PARD3B: variants seen among roughly 807,000 people sequenced by gnomAD.
PARD3B encodes par-3 family cell polarity regulator beta, also known as partitioning defective 3 homolog B.
Under a neutral mutation model 130.2 loss-of-function variants are expected in PARD3B, and 103 were observed. The observed-to-expected ratio is 0.79, with a 90% CI of 0.67 to 0.93. The LOEUF is 0.93. Among genes scored for constraint, PARD3B ranks in the 40% least tolerant of loss-of-function variants. The probability of loss-of-function intolerance (pLI) is 0.00; values close to 1 mark genes in which losing one functional copy is unlikely to be tolerated. For missense variants in PARD3B, 1,609 were observed against 1,499.2 expected (o/e 1.07, Z -1.21); for synonymous variants, 583 against 553.2 (o/e 1.05, Z -0.76).
At chr2:205,513,111 A>T (rs1307753794) in intron 21 of PARD3B, among the ~76,000 whole-genome samples, 12 of 151,674 alleles carry the variant, frequency 7.9e-5, no homozygotes, top group African/African-American at 2.9e-4. Context: ...GTATGTGGTT[A>T]TAAGGGAATC....
intron 1 of PARD3B, among the ~76,000 whole-genome samples, chr2:204,562,831 A>T (rs893736457): frequency 7.9e-4 from 117 of 148,640 alleles, no homozygotes; most frequent in South Asian, 1.3e-3. Context: ...AATAAAAAAA[A>T]TTTTTTTTTT....
chr2:204,547,835 A>G (rs1490101820), intron 1 of PARD3B, among the ~76,000 whole-genome samples: 1 of 152,156 alleles, frequency 6.6e-6, no homozygotes, highest in Admixed American at 6.5e-5. Context: ...AATTCACTAT[A>G]ATTTGATCTT....
At chr2:205,531,804 A>ATGCATATGGATGATCTTTT (rs1178294565) in intron 21 of PARD3B, among the ~76,000 whole-genome samples, 1 of 152,206 alleles carries the variant, frequency 6.6e-6, no homozygotes, top group Non-Finnish European at 1.5e-5. Flanking sequence ...TGGTGATCTG[A>ATGCATATGGATGATCTTTT]TGCATATGGA....
At chr2:205,402,424 C>T (rs1334793729) in intron 19 of PARD3B, among the ~76,000 whole-genome samples, 1 of 152,214 alleles carries the variant, frequency 6.6e-6, no homozygotes, top group Admixed American at 6.5e-5. Context: ...GCTCCCTTGA[C>T]TTCTCTTACT....
chr2:204,851,742 A>T (rs1054998325), intron 2 of PARD3B, among the ~76,000 whole-genome samples: 2 of 151,978 alleles, frequency 1.3e-5, no homozygotes, highest in African/African-American at 2.4e-5. Flanking sequence ...AGCATTTGAC[A>T]ATCCTTTTTT....
intron 19 of PARD3B, among the ~76,000 whole-genome samples, chr2:205,437,901 T>C (rs887055674): frequency 6.6e-5 from 10 of 151,764 alleles, no homozygotes; most frequent in Non-Finnish European, 1.2e-4. Context: ...AACCTCTAAG[T>C]GGAAATGACT....
intron 21 of PARD3B, among the ~76,000 whole-genome samples, chr2:205,534,869 G>A (rs1463009176): frequency 3.3e-5 from 5 of 152,158 alleles, no homozygotes; most frequent in African/African-American, 1.2e-4. Context: ...GATTGGCATT[G>A]GTCTAGCTTG....
rs192428884 is a variant in PARD3B, at chr2:205,274,824, A to G, written c.2186-25706A>G. Among the ~76,000 whole-genome samples, 223 of 152,294 alleles carry G rather than the reference A, an allele frequency of 1.5e-3. 1 individual carries two copies. Among genetic ancestry groups the G allele is most frequent in the African/African-American group, 5.1e-3 (213 of 41,580 alleles). On this transcript the variant is annotated intron_variant, in intron 16 of 22. Transcript: ENST00000406610. This position sits in a 1 kb window ranked among gnomAD's most constrained non-coding sequence, Gnocchi z 4.2. ...GGCTTTTCAGCAAGTTGTCTATAGT[A>G]TGTATATCATAATATTACCTTGTGT...
intron 16 of PARD3B, among the ~76,000 whole-genome samples, chr2:205,267,485 A>C (rs2040554323): frequency 6.8e-6 from 1 of 147,350 alleles, no homozygotes; most frequent in African/African-American, 2.5e-5. Flanking sequence ...GCGGGGCTGT[A>C]TTCATCAAGG....
chr2:205,304,946 AAAAATT>A (rs1431207213), intron 18 of PARD3B, among the ~76,000 whole-genome samples: 2 of 152,188 alleles, frequency 1.3e-5, no homozygotes, highest in African/African-American at 4.8e-5. Context: ...CCCTATCTCA[AAAAATT>A]AAAATTAAAA....
At chr2:205,239,846 C>T (rs778777393) in intron 15 of PARD3B, among the ~76,000 whole-genome samples, 4 of 152,158 alleles carry the variant, frequency 2.6e-5, no homozygotes, top group African/African-American at 4.8e-5. Flanking sequence ...GAACACAGTG[C>T]TTTTGGGAAA....
rs149686088 is a variant in PARD3B at position 205,347,229 on chromosome 2, A to G, written c.2630+45528A>G. On this transcript the variant is annotated intron_variant, in intron 18 of 22. Transcript: ENST00000406610. ...TCAGAAATGAAATTATATAGAGTCT[A>G]TGGCCGACCTCTGTAGAACACTGGT... 2.0e-5 allele frequency among the ~76,000 whole-genome samples: 3 copies of G among 152,338 alleles called. No individual in the cohort carries two copies. In the East Asian group the frequency reaches 5.8e-4, roughly 29 times the overall value.
chr2:205,286,346 C>T (rs1396171894), intron 16 of PARD3B, among the ~76,000 whole-genome samples: 1 of 152,132 alleles, frequency 6.6e-6, no homozygotes, highest in Non-Finnish European at 1.5e-5. Context: ...GAGATAGCTG[C>T]TGCTATTTTT....
At position 205,269,201 on chromosome 2, in the gene PARD3B, C is replaced by T. The variant is rs1331939109; in HGVS notation, c.2185+23379C>T. On this transcript the variant is annotated intron_variant, in intron 16 of 22. Coordinates refer to ENST00000406610, the MANE Select transcript of PARD3B (RefSeq NM_001302769.2). The surrounding 1 kb of genome is among the most constrained non-coding windows in gnomAD (Gnocchi z 4.7). ...GGATAAATTCCTACCTAAACAGAAA[C>T]TAACTTTATTGTAATTTTCTAATTC... 6.6e-6 allele frequency among the ~76,000 whole-genome samples: 1 copy of T among 152,102 alleles called. No individual in the cohort carries two copies. Among genetic ancestry groups the T allele is most frequent in the Non-Finnish European group, 1.5e-5 (1 of 67,992 alleles).
intron 22 of PARD3B, among the ~76,000 whole-genome samples, chr2:205,594,495 C>A (rs1043337461): frequency 3.3e-5 from 5 of 151,968 alleles, no homozygotes; most frequent in Non-Finnish European, 5.9e-5. Flanking sequence ...GGTCAGGGAC[C>A]ATGTGAATAA....
Position 205,176,341 on chromosome 2 carries a change from T to G in PARD3B, c.1792-104T>G. 1 of 1,171,716 alleles carries G rather than the reference T, an allele frequency of 8.5e-7. No homozygotes were observed. The highest frequency in any genetic ancestry group is 2.4e-4 in the Middle Eastern group (1 of 4,126). The allele number at this position is 1,171,716 out of a possible 1,614,324, so 72.6% of individuals were successfully genotyped here. ...AGTTGAGGACTTAAGTGTAATAGAC[T>G]CTTGAAAGACTATTCATACAGCGAT... On this transcript the variant is annotated intron_variant, in intron 12 of 22. Coordinates refer to ENST00000406610, the MANE Select transcript of PARD3B (RefSeq NM_001302769.2). This position sits in a 1 kb window ranked among gnomAD's most constrained non-coding sequence, Gnocchi z 5.3.
At chr2:204,644,436 G>A (rs2035202085) in intron 1 of PARD3B, among the ~76,000 whole-genome samples, 1 of 152,016 alleles carries the variant, frequency 6.6e-6, no homozygotes, top group Admixed American at 6.6e-5. Flanking sequence ...TGTGGTCTTG[G>A]AAGTCTTTTT....
chr2:205,565,110 T>C (rs2053275800), intron 22 of PARD3B, among the ~76,000 whole-genome samples: 1 of 152,182 alleles, frequency 6.6e-6, no homozygotes. Flanking sequence ...ACTGCCCAGA[T>C]AAGACTTCTG....
chr2:205,158,409 A>G lies in PARD3B; in HGVS notation c.1435-313A>G, dbSNP rs909769048. On this transcript the variant is annotated intron_variant, in intron 10 of 22. Transcript: ENST00000406610. The surrounding 1 kb of genome is among the most constrained non-coding windows in gnomAD (Gnocchi z 5.4). Reference sequence around the variant, plus strand: ...AGTCTAATGTCCAGCCTTTTTTATTATGGAGAATATCTTAGTAAATTTCCA... The same window carrying G: ...AGTCTAATGTCCAGCCTTTTTTATTGTGGAGAATATCTTAGTAAATTTCCA... Among the ~76,000 whole-genome samples the G allele has an allele frequency of 6.6e-6, 1 of 152,162 alleles. No homozygotes were observed. The highest frequency in any genetic ancestry group is 1.5e-5 in the Non-Finnish European group (1 of 68,028).
Sources: gnomAD v4.1 joint callset for allele counts (sites outside exome capture counted in the v4.1 genomes callset) on GRCh38, gnomAD v4.1.1 for gene constraint, Gnocchi (gnomAD v3.1) non-coding constraint, MANE v1.5 for transcripts, NCBI Gene and HGNC (gene_info 2026-07-23, HGNC 2026-07-21) for gene names.